The following WWOX variants were observed in gnomAD, a reference collection of about 807,000 sequenced individuals.
WWOX encodes WW domain containing oxidoreductase.
Under a neutral mutation model 46.2 loss-of-function variants are expected in WWOX, and 69 were observed. The observed-to-expected ratio is 1.49, with a 90% confidence interval of 1.23 to 1.82. The LOEUF (loss-of-function observed/expected upper bound fraction) is 1.82, where lower values mean the gene tolerates loss of function less well. Ranked by LOEUF, WWOX falls within the 40% of genes most tolerant of loss-of-function variation. The probability of loss-of-function intolerance (pLI) is 0.00; values close to 1 mark genes in which losing one functional copy is unlikely to be tolerated. For synonymous variants in WWOX, 359 were observed against 202.6 expected, an observed-to-expected ratio of 1.77 and a Z score of -6.56; for missense variants, 919 against 542.6, an observed-to-expected ratio of 1.69 and a Z score of -6.89.
At chr16:78,571,454 G>A (rs950372098) in intron 8 of WWOX, among the ~76,000 whole-genome samples, 1 of 152,118 alleles carries the variant, frequency 6.6e-6, no homozygotes, top group Non-Finnish European at 1.5e-5. Context: ...AAGTTTTTGT[G>A]GGCATAGGTC....
chr16:78,672,734 T>C (rs921087355), intron 8 of WWOX, among the ~76,000 whole-genome samples: 5 of 152,242 alleles, frequency 3.3e-5, no homozygotes, highest in African/African-American at 1.2e-4. Context: ...GTTACTGGTC[T>C]GCAGCCCCCC....
intron 8 of WWOX, among the ~76,000 whole-genome samples, chr16:78,834,778 A>G (rs1256871468): frequency 1.3e-5 from 2 of 152,224 alleles, no homozygotes; most frequent in Non-Finnish European, 2.9e-5. Flanking sequence ...GCGTATGTCA[A>G]ATCATTACAT....
intron 8 of WWOX, among the ~76,000 whole-genome samples, chr16:78,904,244 T>TC (rs2044903020): frequency 1.4e-5 from 2 of 146,184 alleles, no homozygotes; most frequent in Non-Finnish European, 3.0e-5. Context: ...CTTTTTTTTT[T>TC]TTTTTTTTTT....
intron 5 of WWOX, among the ~76,000 whole-genome samples, chr16:78,266,814 C>CTCTCTCTCTCTCTG (rs2079373823): frequency 1.3e-5 from 2 of 150,572 alleles, no homozygotes; most frequent in Non-Finnish European, 2.9e-5. Context: ...CTCTCTCTCT[C>CTCTCTCTCTCTCTG]TCTCTCTCTC....
At chr16:79,165,952 T>C (rs2050586234) in intron 8 of WWOX, among the ~76,000 whole-genome samples, 1 of 152,190 alleles carries the variant, frequency 6.6e-6, no homozygotes, top group Non-Finnish European at 1.5e-5. Flanking sequence ...TTTCATAATG[T>C]TTTCTGGTAG....
chr16:78,825,973 G>C (rs7198624), intron 8 of WWOX: 1 of 753,420 alleles, frequency 1.3e-6, no homozygotes, highest in South Asian at 2.4e-5. Context: ...AGCCAGAGCC[G>C]CCTGCTATGC....
At chr16:78,600,200 T>A (rs1009529003) in intron 8 of WWOX, among the ~76,000 whole-genome samples, 33 of 152,110 alleles carry the variant, frequency 2.2e-4, no homozygotes, top group African/African-American at 8.0e-4. Context: ...TCAGTTACGT[T>A]CCACCGGGGC....
intron 8 of WWOX, among the ~76,000 whole-genome samples, chr16:78,796,586 TA>T (rs2050743544): frequency 6.6e-6 from 1 of 152,260 alleles, no homozygotes; most frequent in South Asian, 2.1e-4. Flanking sequence ...ATATTGCTTT[TA>T]AATTGCATGG....
At chr16:78,863,854 T>C (rs980755079) in intron 8 of WWOX, among the ~76,000 whole-genome samples, 1 of 152,196 alleles carries the variant, frequency 6.6e-6, no homozygotes, top group African/African-American at 2.4e-5. Flanking sequence ...TATTGTACAA[T>C]ATATGGTCTT....
chr16:78,569,821 A>G (rs560661205), intron 8 of WWOX, among the ~76,000 whole-genome samples: 1 of 152,320 alleles, frequency 6.6e-6, no homozygotes, highest in Non-Finnish European at 1.5e-5. Flanking sequence ...GGGAGCTGCT[A>G]ATAAACCATA....
chr16:78,505,333 A>G lies in WWOX; in HGVS notation c.1056+72581A>G, dbSNP rs574444354. 1.3e-4 allele frequency among the ~76,000 whole-genome samples: 20 copies of G among 152,294 alleles called. No individual in the cohort carries two copies. In the South Asian group the frequency reaches 2.9e-3, roughly 22 times the overall value. On this transcript the variant is annotated intron_variant, in intron 8 of 8. Coordinates refer to ENST00000566780, the MANE Select transcript of WWOX (RefSeq NM_016373.4). ...CTCCGAGGCAGCTTCTGGCTTGACA[A>G]TGCCTTCTTTAACTAGCCTAGTTTC...
chr16:78,202,315 G>T (rs1308078628), intron 5 of WWOX, among the ~76,000 whole-genome samples: 1 of 152,178 alleles, frequency 6.6e-6, no homozygotes, highest in Non-Finnish European at 1.5e-5. Context: ...AGGAATGAAG[G>T]GTGGTTCTCC....
At chr16:78,284,114 C>T (rs867926436) in intron 5 of WWOX, among the ~76,000 whole-genome samples, 2 of 152,118 alleles carry the variant, frequency 1.3e-5, no homozygotes, top group African/African-American at 4.8e-5. Flanking sequence ...GTTTAGAGAT[C>T]ATCTGAGAGG....
chr16:78,835,551 C>T (rs912988669), intron 8 of WWOX, among the ~76,000 whole-genome samples: 3 of 152,174 alleles, frequency 2.0e-5, no homozygotes, highest in African/African-American at 7.2e-5. Flanking sequence ...AATGTTCACA[C>T]AGTTGTTCAC....
chr16:78,709,564 C>T (rs1207305926), intron 8 of WWOX, among the ~76,000 whole-genome samples: 2 of 152,106 alleles, frequency 1.3e-5, no homozygotes, highest in African/African-American at 2.4e-5. Context: ...GAACACTTGC[C>T]TGTCTGCACT....
chr16:78,373,865 G>T (rs1435792383), intron 5 of WWOX, among the ~76,000 whole-genome samples: 3 of 152,154 alleles, frequency 2.0e-5, no homozygotes, highest in Non-Finnish European at 4.4e-5. Flanking sequence ...TCGGCTCACT[G>T]CAAACTCTGC....
intron 8 of WWOX, among the ~76,000 whole-genome samples, chr16:79,135,198 A>T (rs1462738332): frequency 1.3e-5 from 2 of 152,198 alleles, no homozygotes; most frequent in Non-Finnish European, 2.9e-5. Flanking sequence ...GCTAGAAAAA[A>T]ATATTTATTT....
intron 8 of WWOX, among the ~76,000 whole-genome samples, chr16:78,678,049 A>G (rs1191241777): frequency 1.3e-5 from 2 of 152,190 alleles, no homozygotes; most frequent in Non-Finnish European, 2.9e-5. Context: ...TCTCCTTAGC[A>G]GACATCATTT....
chr16:79,129,091 C>G (rs1473843468), intron 8 of WWOX, among the ~76,000 whole-genome samples: 2 of 152,096 alleles, frequency 1.3e-5, no homozygotes, highest in Non-Finnish European at 2.9e-5. Context: ...AAGTATGGAT[C>G]TTGATAGGAA....
Sources: gnomAD v4.1 joint callset for allele counts (sites outside exome capture counted in the v4.1 genomes callset) on GRCh38, gnomAD v4.1.1 for gene constraint, MANE v1.5 for transcripts, NCBI Gene and HGNC (gene_info 2026-07-23, HGNC 2026-07-21) for gene names.